PTPRM: variants seen among roughly 807,000 people sequenced by gnomAD.
PTPRM encodes the protein receptor-type tyrosine-protein phosphatase mu.
A neutral mutation model predicts 186.7 loss-of-function variants in PTPRM; 47 were observed. The observed-to-expected ratio is 0.25, with a 90% CI of 0.20 to 0.32. PTPRM has a LOEUF of 0.32. Ranked by LOEUF, PTPRM falls within the 10% of genes least tolerant of loss-of-function variation. The pLI is 1.00. For missense variants in PTPRM, 1,494 were observed against 1,865.0 expected (o/e 0.80, Z 3.66); for synonymous variants, 668 against 674.9 (o/e 0.99, Z 0.16).
chr18:8,159,305 C>T (rs1344230916), intron 14 of PTPRM, among the ~76,000 whole-genome samples: 1 of 152,100 alleles, frequency 6.6e-6, no homozygotes, highest in East Asian at 1.9e-4. Flanking sequence ...AATAAAGCTT[C>T]ACTGGATCCC....
chr18:8,002,262 T>C (rs1007941635), intron 7 of PTPRM, among the ~76,000 whole-genome samples: 1 of 152,214 alleles, frequency 6.6e-6, no homozygotes, highest in African/African-American at 2.4e-5. Context: ...CTAAAAACCT[T>C]GATAACATTT....
chr18:8,211,853 G>T (rs987796750), intron 14 of PTPRM, among the ~76,000 whole-genome samples: 2 of 152,152 alleles, frequency 1.3e-5, no homozygotes, highest in Admixed American at 6.5e-5. Context: ...ACTGGGAAGG[G>T]CAGCACAACT....
intron 7 of PTPRM, among the ~76,000 whole-genome samples, chr18:8,026,748 C>T (rs1170241368): frequency 6.6e-6 from 1 of 151,988 alleles, no homozygotes; most frequent in Non-Finnish European, 1.5e-5. Context: ...GTCCCAGCTA[C>T]TCGGGAGGCT....
chr18:7,875,518 G>T (rs1395828584), intron 2 of PTPRM, among the ~76,000 whole-genome samples: 3 of 151,954 alleles, frequency 2.0e-5, no homozygotes, highest in African/African-American at 7.2e-5. Flanking sequence ...CAGAGACGGG[G>T]TTTCACCATA....
In PTPRM at chr18:7,831,109, T is replaced by A. The variant is rs1214354362; in HGVS notation, c.196+56838T>A. Among the ~76,000 whole-genome samples the A allele has an allele frequency of 6.6e-5, 10 of 152,198 alleles. 1 individual carries two copies. Among genetic ancestry groups the A allele is most frequent in the Admixed American group, 6.5e-4 (10 of 15,282 alleles). ...TAAGGTTTTTGAAAGTTTTGGGCAA[T>A]CACAGTCTTTACTGCACTTATTTTT... On this transcript the variant is annotated intron_variant, in intron 2 of 32. Transcript: ENST00000580170.
intron 3 of PTPRM, among the ~76,000 whole-genome samples, chr18:7,894,663 ATT>A (rs530270849): frequency 6.6e-6 from 1 of 151,680 alleles, no homozygotes; most frequent in African/African-American, 2.4e-5. Context: ...TGTGTGTAAC[ATT>A]TTCTTATGTG....
At chr18:8,390,935 A>AAATAATAATAAT (rs71356213) in intron 31 of PTPRM, among the ~76,000 whole-genome samples, 7,104 of 143,288 alleles carry the variant, frequency 0.05, 241 homozygotes, top group Non-Finnish European at 0.064. Context: ...CTCAAAAAGA[A>AAATAATAATAAT]AATAATAATA....
At chr18:8,126,006 TATATATATATATATA>T (rs1354834136) in intron 13 of PTPRM, among the ~76,000 whole-genome samples, 369 of 23,936 alleles carry the variant, frequency 0.015, 25 homozygotes, top group Non-Finnish European at 0.025. Flanking sequence ...TATATATATA[TATATATATATATATA>T]TATATATTTT....
chr18:8,382,200 G>A (rs552980742), intron 29 of PTPRM, among the ~76,000 whole-genome samples: 10 of 152,254 alleles, frequency 6.6e-5, no homozygotes, highest in African/African-American at 9.6e-5. Flanking sequence ...TCCGGTTCAC[G>A]GACGTGTTAT....
At chr18:7,885,208 A>G (rs1401195931) in intron 2 of PTPRM, among the ~76,000 whole-genome samples, 2 of 152,154 alleles carry the variant, frequency 1.3e-5, no homozygotes, top group African/African-American at 4.8e-5. Context: ...AATAGAGACT[A>G]CTTGCTGTGA....
intron 32 of PTPRM, 57 bp from the exon 33 acceptor site, chr18:8,406,052 T>A: frequency 6.7e-7 from 1 of 1,495,650 alleles, no homozygotes. Flanking sequence ...GTAATTGCTT[T>A]ACTAGGAACA....
chr18:7,685,021 T>C (rs2039567670), intron 1 of PTPRM, among the ~76,000 whole-genome samples: 1 of 152,232 alleles, frequency 6.6e-6, no homozygotes. Context: ...AACTGTGCCA[T>C]CTAACAACAT....
At chr18:7,925,411 AT>A (rs2051114185) in intron 4 of PTPRM, among the ~76,000 whole-genome samples, 1 of 152,162 alleles carries the variant, frequency 6.6e-6, no homozygotes, top group Non-Finnish European at 1.5e-5. Flanking sequence ...TGTTTTTGAC[AT>A]TAAATTAAGT....
intron 14 of PTPRM, among the ~76,000 whole-genome samples, chr18:8,152,008 T>C (rs951262064): frequency 1.4e-4 from 22 of 152,108 alleles, no homozygotes; most frequent in African/African-American, 5.1e-4. Context: ...CAGTCCCAAT[T>C]TGATGAACCA....
intron 31 of PTPRM, among the ~76,000 whole-genome samples, chr18:8,393,101 A>G (rs941507771): frequency 1.3e-5 from 2 of 152,232 alleles, no homozygotes; most frequent in African/African-American, 4.8e-5. Flanking sequence ...TCTTCCTCCC[A>G]GATATTTATT....
chr18:8,387,172 G>T lies in PTPRM; in HGVS notation c.4145G>T (p.Arg1382Leu), dbSNP rs145737173. The change falls in exon 31 of 33, where the codon CGC becomes CTC. Residue 1382 changes from arginine to leucine, a missense_variant. Around this residue, in one of 3 missense-constraint regions of PTPRM, gnomAD observed 1,107 missense variants for 1,350.2 expected, o/e 0.82. Transcript: ENST00000580170. ...AAGCGCTCCTTCTTGAAGCTCATTC[G>T]CCAGGTGGACAAGTGGCAAGAGGAG... ...VSKRSFLKLI[R>L]QVDKWQEEYN... 5 of 1,613,560 alleles carry T rather than the reference G, an allele frequency of 3.1e-6. No homozygotes were observed. The highest frequency in any genetic ancestry group is 3.3e-5 in the Admixed American group (2 of 60,002).
chr18:8,064,726 G>C lies in PTPRM; in HGVS notation c.1133-4960G>C, dbSNP rs150576977. 9.2e-5 allele frequency among the ~76,000 whole-genome samples: 14 copies of C among 152,226 alleles called. No individual in the cohort carries two copies. The East Asian group carries it at 2.5e-3, about 27-fold the overall frequency. ...CTGACAAGGTACTTTTTAAACTCTG[G>C]AAAGCACTGACCAATTGAAAGCCTT... is the stretch of plus-strand genomic sequence containing the variant. On this transcript the variant is annotated intron_variant, in intron 7 of 32. Transcript: ENST00000580170.
At chr18:7,895,545 C>A (rs2049310462) in intron 3 of PTPRM, among the ~76,000 whole-genome samples, 1 of 152,182 alleles carries the variant, frequency 6.6e-6, no homozygotes, top group Non-Finnish European at 1.5e-5. Context: ...GCAGTTCTCC[C>A]TTCCCTGGAC....
rs1201911276 is a variant in PTPRM at position 7,694,458 on chromosome 18, G to T, written c.74-79691G>T. 2.9e-5 allele frequency among the ~76,000 whole-genome samples: 4 copies of T among 138,932 alleles called. No homozygotes were observed. The East Asian group carries it at 8.6e-4, about 30-fold the overall frequency. The allele number at this position is 138,932 out of a possible 152,430, so 91.1% of individuals were successfully genotyped here. A position where few individuals can be genotyped will look rare whatever the true frequency, so the allele number is the denominator to read the frequency against. ...TTTTTTTTTTTTTCGACAGAGTCTCGCTCTGTTGCCCAGGCTGGACTGCGG... is the reference window on the plus strand; with the variant it reads ...TTTTTTTTTTTTTCGACAGAGTCTCTCTCTGTTGCCCAGGCTGGACTGCGG... On this transcript the variant is annotated intron_variant, in intron 1 of 32. Transcript: ENST00000580170.
Sources: gnomAD v4.1 joint callset for allele counts (sites outside exome capture counted in the v4.1 genomes callset) on GRCh38, gnomAD v4.1.1 for gene constraint, gnomAD v4.1.1 regional missense constraint, MANE v1.5 for transcripts, NCBI Gene and HGNC (gene_info 2026-07-23, HGNC 2026-07-21) for gene names.